The following NEGR1 variants were observed in gnomAD, a reference collection of about 807,000 sequenced individuals.
The protein encoded by NEGR1 is IgLON family member 4.
NEGR1 carries 10 observed loss-of-function variants against 40.9 expected under a neutral mutation model. The ratio of observed to expected loss-of-function variants is 0.24; its 90% confidence interval spans 0.15 to 0.42. The LOEUF (loss-of-function observed/expected upper bound fraction) is 0.42, where lower values mean the gene tolerates loss of function less well. NEGR1 is among the 10% of genes least tolerant of loss of function. NEGR1 has a pLI of 1.00. For synonymous variants in NEGR1, 185 were observed against 166.8 expected, an observed-to-expected ratio of 1.11 and a Z score of -0.84; for missense variants, 352 against 438.9, an observed-to-expected ratio of 0.80 and a Z score of 1.77.
chr1:71,728,123 G>A (rs537349408), intron 3 of NEGR1, among the ~76,000 whole-genome samples: 30 of 152,266 alleles, frequency 2.0e-4, no homozygotes, highest in Admixed American at 1.0e-3. Context: ...TCTAATGTGA[G>A]CAGGCAGACC....
chr1:71,928,497 C>CACATATATATACACGAAT (rs1557439490), intron 2 of NEGR1, among the ~76,000 whole-genome samples: 1 of 135,876 alleles, frequency 7.4e-6, no homozygotes, highest in African/African-American at 2.7e-5. Flanking sequence ...TATATATACA[C>CACATATATATACACGAAT]ATATGTATAC....
At chr1:72,087,917 A>C (rs1053394112) in intron 1 of NEGR1, among the ~76,000 whole-genome samples, 5 of 152,120 alleles carry the variant, frequency 3.3e-5, no homozygotes, top group Admixed American at 6.6e-5. Flanking sequence ...ATAATATGGA[A>C]GAAATGCCCT....
intron 1 of NEGR1, among the ~76,000 whole-genome samples, chr1:72,196,120 C>G (rs1187935874): frequency 6.6e-6 from 1 of 151,916 alleles, no homozygotes; most frequent in Non-Finnish European, 1.5e-5. Context: ...CCTAATAATG[C>G]TAAATAAGTT....
intron 1 of NEGR1, among the ~76,000 whole-genome samples, chr1:72,166,925 A>G (rs1326031996): frequency 6.6e-6 from 1 of 152,140 alleles, no homozygotes; most frequent in Non-Finnish European, 1.5e-5. Context: ...ATAAAATAAT[A>G]TTCCAGAGAA....
intron 1 of NEGR1, among the ~76,000 whole-genome samples, chr1:72,171,600 T>C (rs1275849076): frequency 6.6e-6 from 1 of 152,210 alleles, no homozygotes; most frequent in East Asian, 1.9e-4. Context: ...CAATGCTTTG[T>C]CTTTTTTGCC....
chr1:71,599,145 A>T (rs186632489), intron 5 of NEGR1, among the ~76,000 whole-genome samples: 221 of 152,332 alleles, frequency 1.5e-3, no homozygotes, highest in African/African-American at 5.1e-3. Flanking sequence ...AAATGTTTTT[A>T]AAAATATTTA....
At chr1:71,490,977 A>G (rs1169446576) in intron 6 of NEGR1, among the ~76,000 whole-genome samples, 2 of 152,028 alleles carry the variant, frequency 1.3e-5, no homozygotes, top group African/African-American at 4.8e-5. Flanking sequence ...AATGATACAC[A>G]TAGCAAGTAT....
intron 1 of NEGR1, among the ~76,000 whole-genome samples, chr1:72,068,269 G>C (rs1647327538): frequency 6.6e-6 from 1 of 152,130 alleles, no homozygotes; most frequent in South Asian, 2.1e-4. Context: ...GACACCACAT[G>C]GCAGGATCCA....
chr1:71,819,044 G>T (rs1658328717), intron 2 of NEGR1, among the ~76,000 whole-genome samples: 1 of 151,918 alleles, frequency 6.6e-6, no homozygotes, highest in Admixed American at 6.6e-5. Flanking sequence ...TTTATACAAA[G>T]AAGTCAGCAT....
At chr1:71,576,861 T>C (rs904818490) in intron 6 of NEGR1, among the ~76,000 whole-genome samples, 6 of 152,170 alleles carry the variant, frequency 3.9e-5, no homozygotes, top group Non-Finnish European at 5.9e-5. Context: ...TGAACTGAAG[T>C]GGCCACCTTG....
At chr1:72,143,984 G>T (rs1192930332) in intron 1 of NEGR1, among the ~76,000 whole-genome samples, 1 of 145,520 alleles carries the variant, frequency 6.9e-6, no homozygotes, top group Admixed American at 7.0e-5. Flanking sequence ...TTGTAAGAAA[G>T]ACCTGAGATG....
chr1:72,121,959 C>T (rs1649821008), intron 1 of NEGR1, among the ~76,000 whole-genome samples: 1 of 151,870 alleles, frequency 6.6e-6, no homozygotes, highest in Admixed American at 6.6e-5. Flanking sequence ...ATGCAAATAA[C>T]TTTATAATAT....
Position 71,435,495 on chromosome 1 carries a change from T to C in NEGR1, c.941-27925A>G, listed in dbSNP as rs1452712460. On this transcript the variant is annotated intron_variant, in intron 6 of 6. Coordinates refer to ENST00000357731, the MANE Select transcript of NEGR1 (RefSeq NM_173808.3). ...ACTAAGGAGAAAGGATATCTGTCTGTACAGGTTTTTAATAAGCACAAAAGT... is the reference window on the plus strand; with the variant it reads ...ACTAAGGAGAAAGGATATCTGTCTGCACAGGTTTTTAATAAGCACAAAAGT... 3.9e-5 allele frequency among the ~76,000 whole-genome samples: 6 copies of C among 152,088 alleles called. No homozygotes were observed. In the South Asian group the frequency reaches 1.0e-3, roughly 26 times the overall value.
chr1:71,713,467 T>A lies in NEGR1; in HGVS notation c.536-15328A>T, dbSNP rs1280207057. On this transcript the variant is annotated intron_variant, in intron 3 of 6. Transcript: ENST00000357731. ...ACTTTTGATGTCTCCATCAAAGGAG[T>A]GTTTTGAGGATCATTAAGTTATATG... 2.6e-5 allele frequency among the ~76,000 whole-genome samples: 4 copies of A among 151,760 alleles called. No homozygotes were observed. The South Asian group carries it at 8.3e-4, about 32-fold the overall frequency.
At chr1:71,681,893 C>A (rs1652850235) in intron 4 of NEGR1, among the ~76,000 whole-genome samples, 1 of 152,156 alleles carries the variant, frequency 6.6e-6, no homozygotes, top group South Asian at 2.1e-4. Flanking sequence ...GTGGTGTGAT[C>A]TCAGCTCACT....
intron 1 of NEGR1, among the ~76,000 whole-genome samples, chr1:72,150,134 G>C (rs2100353787): frequency 6.6e-6 from 1 of 152,118 alleles, no homozygotes; most frequent in Admixed American, 6.6e-5. Context: ...AGTGTCTTAA[G>C]ACAAAGATTT....
intron 2 of NEGR1, among the ~76,000 whole-genome samples, chr1:71,784,310 T>G (rs1656834171): frequency 6.6e-6 from 1 of 151,922 alleles, no homozygotes; most frequent in Non-Finnish European, 1.5e-5. Context: ...AAATTCTCTC[T>G]CCTATATTTA....
intron 1 of NEGR1, among the ~76,000 whole-genome samples, chr1:72,134,203 T>G (rs1041306068): frequency 2.0e-5 from 3 of 147,176 alleles, no homozygotes; most frequent in South Asian, 2.2e-4. Flanking sequence ...GGGAAATACG[T>G]TTTTTTTTTC....
chr1:71,766,409 C>T (rs1656133924), intron 3 of NEGR1, among the ~76,000 whole-genome samples: 1 of 152,080 alleles, frequency 6.6e-6, no homozygotes, highest in Non-Finnish European at 1.5e-5. Context: ...GTTAGTAATG[C>T]CTTATCAAAA....
Sources: allele counts gnomAD v4.1 joint callset (sites outside exome capture counted in the v4.1 genomes callset), GRCh38; gene constraint gnomAD v4.1.1; transcripts MANE v1.5; gene names NCBI Gene and HGNC (gene_info 2026-07-23, HGNC 2026-07-21).